DNAH12: variants seen among roughly 807,000 people sequenced by gnomAD.
DNAH12 encodes axonemal beta dynein heavy chain 12.
A neutral mutation model predicts 371.5 loss-of-function variants in DNAH12; 285 were observed. The observed-to-expected ratio is 0.77, with a 90% CI of 0.70 to 0.85. The LOEUF (loss-of-function observed/expected upper bound fraction) is 0.85. Among genes scored for constraint, DNAH12 ranks in the 40% least tolerant of loss-of-function variants. DNAH12 has a pLI of 0.00. For missense variants in DNAH12, 3,611 were observed against 3,689.4 expected (o/e 0.98, Z 0.55); for synonymous variants, 1,200 against 1,213.0 (o/e 0.99, Z 0.22).
chr3:57,404,917 T>C, intron 42 of DNAH12, 52 bp downstream of exon 42: 1 of 1,405,604 alleles, frequency 7.1e-7, no homozygotes, highest in African/African-American at 1.5e-5. Flanking sequence ...AAACATTTCA[T>C]AATAACATTT....
At chr3:57,314,081 T>C (rs1037551835) in intron 66 of DNAH12, among the ~76,000 whole-genome samples, 1 of 152,184 alleles carries the variant, frequency 6.6e-6, no homozygotes, top group African/African-American at 2.4e-5. Flanking sequence ...AAGCTGTTTC[T>C]GTTGATTGAT....
intron 60 of DNAH12, among the ~76,000 whole-genome samples, chr3:57,338,037 C>T (rs950725113): frequency 6.6e-6 from 1 of 152,186 alleles, no homozygotes; most frequent in Non-Finnish European, 1.5e-5. Context: ...TCTCTTTCCA[C>T]GGTCTCCCTC....
chr3:57,356,481 AAAT>A (rs2062803602), intron 59 of DNAH12, among the ~76,000 whole-genome samples: 11 of 145,584 alleles, frequency 7.6e-5, no homozygotes, highest in African/African-American at 2.5e-4. Context: ...ATAAATAAAT[AAAT>A]AAATAAAATA....
intron 17 of DNAH12, among the ~76,000 whole-genome samples, chr3:57,466,630 A>C (rs144365995): frequency 6.6e-6 from 1 of 152,310 alleles, no homozygotes; most frequent in East Asian, 1.9e-4. Context: ...AAGGTATGCC[A>C]CTGCCAAGTG....
chr3:57,538,654 T>C (rs2069151294), intron 2 of DNAH12, among the ~76,000 whole-genome samples: 1 of 152,260 alleles, frequency 6.6e-6, no homozygotes, highest in South Asian at 2.1e-4. Context: ...GGTTGACTTT[T>C]CTCCGCACAT....
chr3:57,361,445 T>A (rs1347644021), intron 58 of DNAH12, among the ~76,000 whole-genome samples: 51 of 46,172 alleles, frequency 1.1e-3, no homozygotes, highest in African/African-American at 3.3e-3. Context: ...ACACACACAC[T>A]ATATATATAT....
intron 72 of DNAH12, among the ~76,000 whole-genome samples, chr3:57,295,921 G>C (rs1051173722): frequency 6.6e-6 from 1 of 152,122 alleles, no homozygotes; most frequent in African/African-American, 2.4e-5. Flanking sequence ...AATTTCCTGA[G>C]TGAAGCAGGA....
intron 41 of DNAH12, 38 bp from the exon 42 acceptor site, chr3:57,405,185 C>T (rs1553680684): frequency 2.1e-6 from 3 of 1,455,184 alleles, no homozygotes; most frequent in Non-Finnish European, 2.7e-6. Context: ...AAACTTAAAA[C>T]ATTTAAAAAT....
At chr3:57,343,466 C>T (rs1047440107) in intron 60 of DNAH12, among the ~76,000 whole-genome samples, 8 of 152,218 alleles carry the variant, frequency 5.3e-5, no homozygotes, top group African/African-American at 1.9e-4. Flanking sequence ...TAAAAGTCAT[C>T]GGCATTCTCT....
At chr3:57,492,498 A>G (rs1373980342) in intron 11 of DNAH12, among the ~76,000 whole-genome samples, 1 of 152,090 alleles carries the variant, frequency 6.6e-6, no homozygotes, top group African/African-American at 2.4e-5. Context: ...AAATAAGTTC[A>G]TCTGTACAGA....
chr3:57,529,646 A>G (rs2068771846), intron 2 of DNAH12, among the ~76,000 whole-genome samples: 1 of 151,898 alleles, frequency 6.6e-6, no homozygotes, highest in Non-Finnish European at 1.5e-5. Context: ...GTCTGGTTAA[A>G]GGTTTGTCTA....
chr3:57,323,530 C>A lies in DNAH12; in HGVS notation c.10068G>T (p.Leu3356Phe). ...PPPFDLTKSY[L>F]DSNCTIPLIF... ...TTAAGGGAATGGTGCAATTTGAATC[C>A]AAGTAACTCTTTGTCAAATCAAATG... Residue 3356 changes from leucine to phenylalanine, a missense_variant, in exon 63 of 74, where the codon TTG (leucine) becomes TTT (phenylalanine). Coordinates refer to ENST00000495027, the MANE Select transcript of DNAH12 (RefSeq NM_001366028.2). 1.3e-6 allele frequency: 2 copies of A among 1,550,896 alleles called. No individual in the cohort carries two copies. The highest frequency in any genetic ancestry group is 1.7e-6 in the Non-Finnish European group (2 of 1,146,776).
At chr3:57,347,569 A>G (rs569126406) in intron 60 of DNAH12, among the ~76,000 whole-genome samples, 1 of 152,176 alleles carries the variant, frequency 6.6e-6, no homozygotes, top group East Asian at 1.9e-4. Context: ...TACAAAAATT[A>G]GCCGGGCTTG....
Position 57,502,484 on chromosome 3 carries a change from C to A in DNAH12, c.1087-5G>T, listed in dbSNP as rs1235972592. The stretch of plus-strand genomic sequence containing the variant: ...AGAGGGGATTGTTTGGACATTCTAA[C>A]ACAAATAAAAATAATAACAATGTAT... On this transcript the variant is annotated splice_polypyrimidine_tract_variant and splice_region_variant and intron_variant, in intron 9 of 73. Coordinates refer to ENST00000495027, the MANE Select transcript of DNAH12 (RefSeq NM_001366028.2). The A allele has an allele frequency of 1.2e-6, 2 of 1,613,164 alleles. No individual in the cohort carries two copies. The highest frequency in any genetic ancestry group is 2.2e-5 in the South Asian group (2 of 91,038).
intron 69 of DNAH12, among the ~76,000 whole-genome samples, chr3:57,305,724 C>T (rs901557843): frequency 2.0e-5 from 3 of 152,108 alleles, no homozygotes; most frequent in Non-Finnish European, 2.9e-5. Context: ...TTACCCAATC[C>T]GCTTCTGACT....
chr3:57,448,554 C>T (rs192937165), intron 25 of DNAH12, among the ~76,000 whole-genome samples: 5 of 152,218 alleles, frequency 3.3e-5, no homozygotes, highest in Admixed American at 2.6e-4. Flanking sequence ...TGAGCAGTAG[C>T]AAGATTTATT....
Position 57,369,677 on chromosome 3 carries a change from T to C in DNAH12, c.8760-1417A>G, listed in dbSNP as rs896414719. Among the ~76,000 whole-genome samples, 95 of 152,288 alleles carry C rather than the reference T, an allele frequency of 6.2e-4. No individual in the cohort carries two copies. In the East Asian group the frequency reaches 0.018, roughly 28 times the overall value. Reference sequence around the variant, plus strand: ...AGCAAACAATAAAGTTATTTTTTCATAGAAGTTACCTAGTAGTTAGACTAG... The same window carrying C: ...AGCAAACAATAAAGTTATTTTTTCACAGAAGTTACCTAGTAGTTAGACTAG... On this transcript the variant is annotated intron_variant, in intron 55 of 73. Coordinates refer to ENST00000495027, the MANE Select transcript of DNAH12 (RefSeq NM_001366028.2).
intron 25 of DNAH12, among the ~76,000 whole-genome samples, chr3:57,451,308 T>C (rs2065749706): frequency 6.6e-6 from 1 of 152,122 alleles, no homozygotes; most frequent in Non-Finnish European, 1.5e-5. Flanking sequence ...ATTTAGCAAA[T>C]AAAAATACAG....
At chr3:57,382,799 T>C (rs1469963485) in intron 49 of DNAH12, among the ~76,000 whole-genome samples, 1 of 152,200 alleles carries the variant, frequency 6.6e-6, no homozygotes, top group Non-Finnish European at 1.5e-5. Context: ...AAAGAAGAGG[T>C]ACGTCCCAAT....
Sources: allele counts gnomAD v4.1 joint callset (sites outside exome capture counted in the v4.1 genomes callset), GRCh38; gene constraint gnomAD v4.1.1; transcripts MANE v1.5; gene names NCBI Gene and HGNC (gene_info 2026-07-23, HGNC 2026-07-21).